Variants in PI4KA observed in about 807,000 individuals in gnomAD.
The protein encoded by PI4KA is phosphatidylinositol 4-kinase alpha.
A neutral mutation model predicts 271.4 loss-of-function variants in PI4KA; 122 were observed. The observed-to-expected ratio is 0.45, with a 90% CI of 0.39 to 0.52. The LOEUF (loss-of-function observed/expected upper bound fraction) is 0.52, where lower values mean the gene tolerates loss of function less well. Among genes scored for constraint, PI4KA ranks in the 20% least tolerant of loss-of-function variants. The pLI, the probability that PI4KA is intolerant of heterozygous loss-of-function variation, is 0.00. For synonymous variants in PI4KA, 1,041 were observed against 1,078.8 expected, an observed-to-expected ratio of 0.96 and a Z score of 0.69; for missense variants, 1,969 against 2,769.1, an observed-to-expected ratio of 0.71 and a Z score of 6.48.
chr22:20,807,724 G>A (rs535801955), intron 9 of PI4KA, among the ~76,000 whole-genome samples: 1 of 152,238 alleles, frequency 6.6e-6, no homozygotes, highest in East Asian at 1.9e-4. Flanking sequence ...TCCTTGCTGT[G>A]GCTGAAGCTC....
At chr22:20,767,934 C>CT (rs1466040722) in intron 19 of PI4KA, among the ~76,000 whole-genome samples, 3 of 116,784 alleles carry the variant, frequency 2.6e-5, no homozygotes, top group Non-Finnish European at 5.3e-5. Flanking sequence ...CACACCTGGC[C>CT]TAATTATTAT....
chr22:20,731,753 C>A (rs1928081526), intron 36 of PI4KA, among the ~76,000 whole-genome samples: 1 of 152,130 alleles, frequency 6.6e-6, no homozygotes, highest in Non-Finnish European at 1.5e-5. Context: ...CACGGTGAAA[C>A]CCCATCTCTA....
At chr22:20,723,816 G>C (rs887896131) in intron 42 of PI4KA, among the ~76,000 whole-genome samples, 9 of 150,782 alleles carry the variant, frequency 6.0e-5, no homozygotes, top group African/African-American at 2.2e-4. Context: ...GGGCAACAAA[G>C]ACTCTATCTC....
At chr22:20,784,257 T>C (rs751809866) in intron 19 of PI4KA, 37 of 1,613,906 alleles carry the variant, frequency 2.3e-5, no homozygotes, top group African/African-American at 9.3e-5. Flanking sequence ...TATTTCACAC[T>C]GTGTGTTTGT....
chr22:20,751,605 C>T lies in PI4KA; in HGVS notation c.3069+69G>A, dbSNP rs375522045. On this transcript the variant is annotated intron_variant, in intron 26 of 54. Coordinates refer to ENST00000255882, the MANE Select transcript of PI4KA (RefSeq NM_058004.4). ...CAGAGAAGCATGCCACAACACAGGG[C>T]GGACAGGGCCGGCGGGGTGGTGGTA... is the stretch of plus-strand genomic sequence containing the variant. The T allele has an allele frequency of 3.1e-5, 40 of 1,288,670 alleles. 1 individual carries two copies. Among genetic ancestry groups the T allele is most frequent in the South Asian group, 1.5e-4 (13 of 84,416 alleles). The allele number at this position is 1,288,670 out of a possible 1,614,324, so 79.8% of individuals were successfully genotyped here. A position where few individuals can be genotyped will look rare whatever the true frequency, so the allele number is the denominator to read the frequency against.
At chr22:20,739,539 T>G (rs1009019326) in intron 32 of PI4KA, among the ~76,000 whole-genome samples, 3 of 150,492 alleles carry the variant, frequency 2.0e-5, no homozygotes, top group African/African-American at 7.3e-5. Flanking sequence ...GCAGTCCTCC[T>G]CAACTGTCAG....
intron 19 of PI4KA, among the ~76,000 whole-genome samples, chr22:20,778,565 A>C (rs1933489928): frequency 6.6e-6 from 1 of 152,150 alleles, no homozygotes; most frequent in South Asian, 2.1e-4. Context: ...CGAATTAAAC[A>C]ACCCCAAAGA....
chr22:20,773,082 C>A (rs565488785), intron 19 of PI4KA, among the ~76,000 whole-genome samples: 3 of 151,868 alleles, frequency 2.0e-5, no homozygotes, highest in Non-Finnish European at 4.4e-5. Context: ...CAGAGTGAGA[C>A]CCTGTCTCAA....
Position 20,747,675 on chromosome 22 carries a change from C to G in PI4KA, c.3271G>C (p.Val1091Leu). 6.2e-7 allele frequency: 1 copy of G among 1,613,844 alleles called. No individual in the cohort carries two copies. The highest frequency in any genetic ancestry group is 8.5e-7 in the Non-Finnish European group (1 of 1,179,786). ...CCCGTGTGCTGGGACAGTCCCGATA[C>G]CCAGTTCTGATGTTTGTTCAGATAT... ...QEYLNKHQNW[V>L]SGLSQHTGLA... Residue 1091 changes from valine to leucine, a missense_variant, in exon 29 of 55, where the codon GTA (valine) becomes CTA (leucine). Around this residue, in one of 13 missense-constraint regions of PI4KA, gnomAD observed 368 missense variants for 544.3 expected, o/e 0.68. Coordinates refer to ENST00000255882, the MANE Select transcript of PI4KA (RefSeq NM_058004.4).
At chr22:20,727,142 G>T in intron 41 of PI4KA, 88 bp downstream of exon 41, 1 of 1,252,600 alleles carries the variant, frequency 8.0e-7, no homozygotes, top group South Asian at 1.4e-5. Flanking sequence ...GCGACCTCAT[G>T]GCCAATGGTG....
intron 8 of PI4KA, 74 bp downstream of exon 8, chr22:20,813,284 A>T: frequency 8.4e-7 from 1 of 1,191,284 alleles, no homozygotes; most frequent in African/African-American, 1.6e-5. Context: ...TTTTTCTTTT[A>T]AAAATACAAG....
chr22:20,747,445 C>G, intron 29 of PI4KA, 138 bp downstream of exon 29: 4 of 810,038 alleles, frequency 4.9e-6, no homozygotes, highest in Non-Finnish European at 7.5e-6. Context: ...GCACCACTAC[C>G]ATTGTCAACA....
At chr22:20,852,927 G>A (rs1927169295) in intron 1 of PI4KA, among the ~76,000 whole-genome samples, 1 of 152,156 alleles carries the variant, frequency 6.6e-6, no homozygotes, top group South Asian at 2.1e-4. Flanking sequence ...TGTCCCTAAT[G>A]CCGCAGTGCC....
At chr22:20,730,906 G>A (rs958309219) in intron 36 of PI4KA, among the ~76,000 whole-genome samples, 1 of 152,028 alleles carries the variant, frequency 6.6e-6, no homozygotes, top group Non-Finnish European at 1.5e-5. Context: ...GCTGAGCACA[G>A]TGGCTCATGC....
chr22:20,845,967 A>G (rs1345168789), intron 1 of PI4KA, among the ~76,000 whole-genome samples: 2 of 152,208 alleles, frequency 1.3e-5, no homozygotes, highest in African/African-American at 4.8e-5. Context: ...AGATTAAGAT[A>G]CGAAAATCAG....
intron 1 of PI4KA, among the ~76,000 whole-genome samples, chr22:20,849,808 C>G (rs190008018): frequency 2.0e-5 from 3 of 152,036 alleles, no homozygotes; most frequent in Non-Finnish European, 2.9e-5. Context: ...GAGCCGAGAT[C>G]GCGCCACTGC....
chr22:20,727,931 G>C (rs931282414), intron 39 of PI4KA, 67 bp from the exon 40 acceptor site: 2 of 1,161,280 alleles, frequency 1.7e-6, no homozygotes, highest in Non-Finnish European at 1.3e-6. Context: ...CACCACACTG[G>C]AGTGAGGGGA....
At chr22:20,799,964 G>A (rs1935204384) in intron 14 of PI4KA, among the ~76,000 whole-genome samples, 198 bp from the exon 15 acceptor site, 1 of 152,148 alleles carries the variant, frequency 6.6e-6, no homozygotes, top group African/African-American at 2.4e-5. Flanking sequence ...GTCTCAGTCG[G>A]AAACAATAAT....
Position 20,838,713 on chromosome 22 carries a change from T to C in PI4KA, c.175A>G (p.Met59Val). ...ATCCCATGGAAATCCACTGGACACATGCAAAGAAGCTTTTGGACCTAGAAA... is the reference window on the plus strand; with the variant it reads ...ATCCCATGGAAATCCACTGGACACACGCAAAGAAGCTTTTGGACCTAGAAA... ...SLEKVQKLLC[M>V]CPVDFHGIFQ... Residue 59 changes from methionine (M) to valine (V), a missense_variant, in exon 2 of 55, where the codon ATG becomes GTG. Met to Val is a conservative substitution (Grantham distance 21). Around this residue, in one of 13 missense-constraint regions of PI4KA, gnomAD observed 540 missense variants for 555.5 expected, o/e 0.97. Transcript: ENST00000255882. 4 of 1,611,080 alleles carry C rather than the reference T, an allele frequency of 2.5e-6. No individual in the cohort carries two copies. The highest frequency in any genetic ancestry group is 3.4e-6 in the Non-Finnish European group (4 of 1,177,400).
Sources: gnomAD v4.1 joint callset for allele counts (sites outside exome capture counted in the v4.1 genomes callset) on GRCh38, gnomAD v4.1.1 for gene constraint, gnomAD v4.1.1 regional missense constraint, MANE v1.5 for transcripts, NCBI Gene and HGNC (gene_info 2026-07-23, HGNC 2026-07-21) for gene names.